STIL: variants seen among roughly 807,000 people sequenced by gnomAD.
STIL encodes the protein SCL-interrupting locus protein.
Under a neutral mutation model 110.1 loss-of-function variants are expected in STIL, and 55 were observed. The ratio of observed to expected loss-of-function variants is 0.50; its 90% CI spans 0.40 to 0.63. The LOEUF is 0.63. STIL is among the 20% of genes least tolerant of loss of function. The pLI, the probability that STIL is intolerant of heterozygous loss-of-function variation, is 0.00. For synonymous variants in STIL, 481 were observed against 530.0 expected, an observed-to-expected ratio of 0.91 and a Z score of 1.27; for missense variants, 1,358 against 1,530.0, an observed-to-expected ratio of 0.89 and a Z score of 1.87.
chr1:47,272,192 G>A lies in STIL; in HGVS notation c.2267C>T (p.Thr756Ile). 6.2e-7 allele frequency: 1 copy of A among 1,614,154 alleles called. No homozygotes were observed. The highest frequency in any genetic ancestry group is 8.5e-7 in the Non-Finnish European group (1 of 1,180,022). ...AQSLMPCSPK[T>I]TAVEDTVQAG... ...TTGCACTGTGTCTTCAACAGCAGTT[G>A]TCTTAGGGGAACAGGGCATCAGAGA... The change falls in exon 13 of 17, where the codon ACA becomes ATA. Residue 756 changes from threonine to isoleucine, a missense_variant. Physicochemically the swap from Thr to Ile is moderately conservative, Grantham distance 89 (BLOSUM62 -1). Coordinates refer to ENST00000371877, the MANE Select transcript of STIL (RefSeq NM_001048166.1).
At chr1:47,314,816 C>T (rs1156340118), upstream of STIL, among the ~76,000 whole-genome samples, 3 of 152,016 alleles carry the variant, frequency 2.0e-5, no homozygotes, top group African/African-American at 7.2e-5. Flanking sequence ...ACCTCGCCTC[C>T]CGAGTTCAAG....
At position 47,260,381 on chromosome 1, in the gene STIL, A is replaced by C; in HGVS notation, c.2988T>G (p.Leu996=). The C allele has an allele frequency of 6.2e-7, 1 of 1,614,198 alleles. No homozygotes were observed. Among genetic ancestry groups the C allele is most frequent in the Non-Finnish European group, 8.5e-7 (1 of 1,180,026 alleles). ...HSRLVDKDCV[L]NATLKQLRSL... ...TTCTTAGTTGCTTAAGAGTTGCATT[A>C]AGGACACAATCTTTGTCCACCAGTC... The change falls in exon 16 of 17, where the codon CTT becomes CTG. Residue 996 remains leucine, a synonymous_variant. Coordinates refer to ENST00000371877, the MANE Select transcript of STIL (RefSeq NM_001048166.1).
At chr1:47,262,275 C>G (rs13374382) in intron 15 of STIL, among the ~76,000 whole-genome samples, 38,037 of 152,134 alleles carry the variant, frequency 0.25, 5,135 homozygotes, top group Non-Finnish European at 0.31. Flanking sequence ...ATGAAAGTGA[C>G]AGTCAGGGTT....
Position 47,272,230 on chromosome 1 carries a change from C to A in STIL, c.2229G>T (p.Leu743Phe). Residue 743 changes from leucine (L) to phenylalanine (F), a missense_variant, in exon 13 of 17, where the codon TTG becomes TTT. By Grantham distance (22) the Leu-to-Phe change is conservative. Transcript: ENST00000371877. ...LRLLQAQIQR[L>F]LEAQSLMPCS... ...AGGGCATCAGAGACTGTGCTTCCAACAAACGCTGAATCTGTATCAATTAAA... is the reference window on the plus strand; with the variant it reads ...AGGGCATCAGAGACTGTGCTTCCAAAAAACGCTGAATCTGTATCAATTAAA... 6.2e-7 allele frequency: 1 copy of A among 1,614,128 alleles called. No homozygotes were observed. Among genetic ancestry groups the A allele is most frequent in the Non-Finnish European group, 8.5e-7 (1 of 1,180,016 alleles).
rs1646084828 is a variant in STIL at position 47,310,297 on chromosome 1, G to A, written c.23C>T (p.Ala8Val). Residue 8 changes from alanine (A) to valine (V), a missense_variant, in exon 2 of 17, where the codon GCA (alanine) becomes GTA (valine). Physicochemically the swap from Ala to Val is moderately conservative, Grantham distance 64. Coordinates refer to ENST00000371877, the MANE Select transcript of STIL (RefSeq NM_001048166.1). MEPIYPF[A>V]RPQMNTRFPS... is the part of the protein sequence containing the mutation. ...ATACCTGGTATTCATCTGGGGCCGT[G>A]CAAAAGGATATATAGGCTCCATGAT... 1 of 1,612,860 alleles carries A rather than the reference G, an allele frequency of 6.2e-7. No homozygotes were observed. The highest frequency in any genetic ancestry group is 8.5e-7 in the Non-Finnish European group (1 of 1,179,516).
At chr1:47,279,628 C>T (rs1487548507) in intron 12 of STIL, among the ~76,000 whole-genome samples, 1 of 150,302 alleles carries the variant, frequency 6.7e-6, no homozygotes, top group Non-Finnish European at 1.5e-5. Flanking sequence ...CCTAGCAGGG[C>T]TGAGGCAGGA....
chr1:47,263,406 G>C (rs1644538434), intron 14 of STIL, among the ~76,000 whole-genome samples: 1 of 152,284 alleles, frequency 6.6e-6, no homozygotes, highest in Non-Finnish European at 1.5e-5. Flanking sequence ...TTAGCTGGGT[G>C]TGACACCATG....
intron 9 of STIL, among the ~76,000 whole-genome samples, chr1:47,287,923 A>G (rs1645351691): frequency 6.6e-6 from 1 of 151,796 alleles, no homozygotes; most frequent in Non-Finnish European, 1.5e-5. Context: ...TCTCTAAAAC[A>G]GAAATATTAG....
chr1:47,260,616 T>C, intron 15 of STIL, 77 bp from the exon 16 acceptor site: 2 of 1,466,850 alleles, frequency 1.4e-6, no homozygotes, highest in Non-Finnish European at 9.5e-7. Context: ...TTCACACCTA[T>C]AATCCCAGCA....
At chr1:47,254,497 T>C (rs1644274215) in intron 16 of STIL, among the ~76,000 whole-genome samples, 1 of 151,570 alleles carries the variant, frequency 6.6e-6, no homozygotes, top group Admixed American at 6.6e-5. Context: ...ATTCAAAATG[T>C]TAAATATTTA....
chr1:47,274,092 C>T (rs1264781709), intron 12 of STIL, among the ~76,000 whole-genome samples: 1 of 49,052 alleles, frequency 2.0e-5, no homozygotes, highest in Non-Finnish European at 4.6e-5. Flanking sequence ...TAAGTAAGCA[C>T]TTTACACACA....
At chr1:47,288,401 A>C (rs867430700) in intron 9 of STIL, among the ~76,000 whole-genome samples, 2 of 151,774 alleles carry the variant, frequency 1.3e-5, no homozygotes, top group African/African-American at 2.4e-5. Context: ...GGTTCAAGTG[A>C]TTCTCCTGCC....
chr1:47,300,134 A>G lies in STIL; in HGVS notation c.472T>C (p.Cys158Arg). The G allele has an allele frequency of 1.2e-6, 2 of 1,614,128 alleles. No homozygotes were observed. Among genetic ancestry groups the G allele is most frequent in the Non-Finnish European group, 1.7e-6 (2 of 1,179,998 alleles). Residue 158 changes from cysteine to arginine, a missense_variant, in exon 6 of 17, where the codon TGT becomes CGT. Physicochemically the swap from Cys to Arg is radical, Grantham distance 180 (BLOSUM62 -3). Coordinates refer to ENST00000371877, the MANE Select transcript of STIL (RefSeq NM_001048166.1). ...SALKALQCHI[C>R]SKDSLDCGKL... Reference sequence around the variant, plus strand: ...CCACAGTCCAAGGAATCTTTGCTACATATATGGCACTGTAGAGCCTGAGAA... The same window carrying G: ...CCACAGTCCAAGGAATCTTTGCTACGTATATGGCACTGTAGAGCCTGAGAA...
In STIL at chr1:47,280,960, A is replaced by G. The variant is rs1340429661; in HGVS notation, c.1498T>C (p.Leu500=). ...NQLNQDKPAL[L]RHCKVRQPPA... ...GGCTGTCTTACTTTGCAGTGTCTCA[A>G]AAGAGCTGGTTTATCCTGGTTTAAC... The change falls in exon 12 of 17, where the codon TTG becomes CTG. Residue 500 remains leucine (L), a synonymous_variant. Coordinates refer to ENST00000371877, the MANE Select transcript of STIL (RefSeq NM_001048166.1). 8 of 1,613,998 alleles carry G rather than the reference A, an allele frequency of 5.0e-6. No homozygotes were observed. In the Middle Eastern group the frequency reaches 8.2e-4, roughly 166 times the overall value.
At chr1:47,272,047 C>T (rs773888112) in intron 13 of STIL, 29 bp downstream of exon 13, 49 of 1,609,500 alleles carry the variant, frequency 3.0e-5, no homozygotes, top group Non-Finnish European at 3.3e-5. Flanking sequence ...TAACAATTTC[C>T]TTACAAATTA....
chr1:47,300,611 G>A (rs540822675), intron 5 of STIL, among the ~76,000 whole-genome samples: 20 of 152,222 alleles, frequency 1.3e-4, no homozygotes, highest in Admixed American at 6.5e-4. Flanking sequence ...GGGATTACAG[G>A]TGTGTGCCAC....
chr1:47,287,475 A>C, intron 10 of STIL, 76 bp downstream of exon 10: 1 of 897,408 alleles, frequency 1.1e-6, no homozygotes, highest in Non-Finnish European at 1.7e-6. Flanking sequence ...GAAATAATTT[A>C]GTTATTTTAC....
At position 47,314,146 on chromosome 1, in the gene STIL, C is replaced by A. The variant is rs558887146; in HGVS notation, c.-154G>T. ...CTCTGGGACGTTGGGGTCGCGGGAA[C>A]TGAGGCGGCAAACACAAGCTCGCGA... On this transcript the variant is annotated 5_prime_UTR_variant, in exon 1 of 17. Transcript: ENST00000371877. The A allele has an allele frequency of 6.6e-6, 1 of 152,334 alleles. No individual in the cohort carries two copies. Among genetic ancestry groups the A allele is most frequent in the Non-Finnish European group, 1.5e-5 (1 of 68,094 alleles). 9.4% of individuals were successfully genotyped at this position (152,334 alleles called of 1,614,324 possible).
In STIL at chr1:47,287,558, T is replaced by C. The variant is rs757025063; in HGVS notation, c.1126A>G (p.Ile376Val). The C allele has an allele frequency of 2.2e-5, 35 of 1,608,758 alleles. 1 individual carries two copies. Among genetic ancestry groups the C allele is most frequent in the African/African-American group, 1.5e-4 (11 of 74,806 alleles). ...FFSKASKNFSIKRSSQKLSSG... is the reference protein window; with the variant it reads ...FFSKASKNFSVKRSSQKLSSG... ...AACAAAAAGATCTTTTACCTCTTAA[T>C]TGAAAAATTCTTGGAAGCCTTACTG... is the stretch of plus-strand genomic sequence containing the variant. Residue 376 changes from isoleucine (I) to valine (V), a missense_variant, in exon 10 of 17, where the codon ATT becomes GTT. Coordinates refer to ENST00000371877, the MANE Select transcript of STIL (RefSeq NM_001048166.1).
Sources: gnomAD v4.1 joint callset for allele counts (sites outside exome capture counted in the v4.1 genomes callset) on GRCh38, gnomAD v4.1.1 for gene constraint, MANE v1.5 for transcripts, NCBI Gene and HGNC (gene_info 2026-07-23, HGNC 2026-07-21) for gene names.